The following WIPF1 variants were observed in gnomAD, a reference collection of about 807,000 sequenced individuals.
The protein encoded by WIPF1 is WAS/WASL interacting protein family member 1, also known as WAS/WASL-interacting protein family member 1.
A neutral mutation model predicts 35.4 loss-of-function variants in WIPF1; 13 were observed. That is an observed-to-expected ratio of 0.37 (90% CI 0.24 to 0.58). The LOEUF is 0.58. Ranked by LOEUF, WIPF1 falls within the 20% of genes least tolerant of loss-of-function variation. WIPF1 has a pLI of 0.74. For missense variants in WIPF1, 591 were observed against 667.0 expected (o/e 0.89, Z 1.25); for synonymous variants, 267 against 266.3 (o/e 1.00, Z -0.02).
chr2:174,676,315 C>CTTTTTTTTTTTTTTTTTTTTTT (rs75689219), intron 1 of WIPF1: 1 of 55,030 alleles, frequency 1.8e-5, no homozygotes, highest in Non-Finnish European at 3.1e-5. Flanking sequence ...TCCCTCCCTT[C>CTTTTTTTTTTTTTTTTTTTTTT]TTTTTTTTTT....
At chr2:174,641,121 A>G (rs777241262) in intron 1 of WIPF1, among the ~76,000 whole-genome samples, 1 of 152,240 alleles carries the variant, frequency 6.6e-6, no homozygotes, top group Admixed American at 6.5e-5. Context: ...CCATTCAACA[A>G]AAGTGCCAAG....
chr2:174,669,887 A>C (rs992334190), intron 1 of WIPF1, among the ~76,000 whole-genome samples: 6 of 152,206 alleles, frequency 3.9e-5, no homozygotes, highest in Non-Finnish European at 7.3e-5. Flanking sequence ...AAAACAAATA[A>C]AATTTAAAAA....
At chr2:174,595,109 A>AAAAAAAAAAAAAAAT (rs1553529785) in intron 1 of WIPF1, among the ~76,000 whole-genome samples, 2 of 57,738 alleles carry the variant, frequency 3.5e-5, no homozygotes, top group Non-Finnish European at 5.6e-5. Flanking sequence ...AAAAAAAAAA[A>AAAAAAAAAAAAAAAT]ATATATATAT....
chr2:174,670,596 C>T (rs983262233), intron 1 of WIPF1, among the ~76,000 whole-genome samples: 2 of 152,202 alleles, frequency 1.3e-5, no homozygotes, highest in Admixed American at 1.3e-4. Context: ...GTAATGTTAG[C>T]ACCAATTTTG....
chr2:174,632,315 C>A (rs567210002), intron 1 of WIPF1, among the ~76,000 whole-genome samples: 1 of 152,036 alleles, frequency 6.6e-6, no homozygotes, highest in Non-Finnish European at 1.5e-5. Context: ...TGGAACACAG[C>A]GCAGTGAAAG....
chr2:174,635,529 GTTTTTTTTT>G (rs1197924942), intron 1 of WIPF1, among the ~76,000 whole-genome samples: 3 of 115,622 alleles, frequency 2.6e-5, no homozygotes, highest in African/African-American at 3.4e-5. Context: ...CCTTCTGTTT[GTTTTTTTTT>G]TTTTTTTTTT....
At chr2:174,609,339 G>T (rs371698671) in intron 1 of WIPF1, among the ~76,000 whole-genome samples, 27 of 152,188 alleles carry the variant, frequency 1.8e-4, no homozygotes, top group East Asian at 1.5e-3. Context: ...GTATTTTCCG[G>T]TAATGCAAAT....
chr2:174,666,306 G>T (rs558001469), intron 1 of WIPF1, among the ~76,000 whole-genome samples: 1 of 152,312 alleles, frequency 6.6e-6, no homozygotes, highest in Admixed American at 6.5e-5. Flanking sequence ...AGAGTTGAAG[G>T]TATCCACCAC....
chr2:174,575,062 T>G, intron 4 of WIPF1, 142 bp downstream of exon 4: 1 of 965,442 alleles, frequency 1.0e-6, no homozygotes, highest in Non-Finnish European at 1.6e-6. Context: ...CTAAATTGAG[T>G]CTCTTATAAA....
chr2:174,643,970 T>C (rs1161096859), intron 1 of WIPF1, among the ~76,000 whole-genome samples: 1 of 152,248 alleles, frequency 6.6e-6, no homozygotes, highest in Non-Finnish European at 1.5e-5. Context: ...AGATGGTATA[T>C]AGCTAGATTA....
At chr2:174,667,896 AC>A (rs1369483739) in intron 1 of WIPF1, among the ~76,000 whole-genome samples, 1 of 151,850 alleles carries the variant, frequency 6.6e-6, no homozygotes, top group Non-Finnish European at 1.5e-5. Flanking sequence ...TGATTCTCTC[AC>A]CCCCAAAATG....
At chr2:174,563,896 G>A (rs918045887) in intron 7 of WIPF1, among the ~76,000 whole-genome samples, 1 of 152,222 alleles carries the variant, frequency 6.6e-6, no homozygotes, top group Non-Finnish European at 1.5e-5. Context: ...AAGGAAGGGA[G>A]TTAGGAGAAA....
At chr2:174,639,988 C>A (rs550787969) in intron 1 of WIPF1, among the ~76,000 whole-genome samples, 47 of 152,160 alleles carry the variant, frequency 3.1e-4, no homozygotes, top group African/African-American at 1.1e-3. Flanking sequence ...AAGAGAAAAT[C>A]ATATTGTCCC....
chr2:174,594,310 G>T (rs1685726845), intron 1 of WIPF1, among the ~76,000 whole-genome samples: 1 of 152,176 alleles, frequency 6.6e-6, no homozygotes, highest in African/African-American at 2.4e-5. Context: ...ACTAAGACTG[G>T]CTAGGAGCTT....
At chr2:174,617,597 A>G (rs529849373) in intron 1 of WIPF1, among the ~76,000 whole-genome samples, 14 of 152,304 alleles carry the variant, frequency 9.2e-5, no homozygotes, top group South Asian at 8.3e-4. Flanking sequence ...GTGAAATGTC[A>G]TTGTTCTGAT....
intron 1 of WIPF1, among the ~76,000 whole-genome samples, chr2:174,656,987 C>G (rs979140675): frequency 6.6e-6 from 1 of 152,210 alleles, no homozygotes; most frequent in African/African-American, 2.4e-5. Flanking sequence ...ACATACACCC[C>G]CTAGAGACAG....
chr2:174,575,368 G>A lies in WIPF1; in HGVS notation c.194C>T (p.Ala65Val), dbSNP rs765257193. ...GCCACCACCACCGCCTCCAGCACCA[G>A]CTCCTTTAGGTTCTGTAGAAGAAGA... The part of the protein sequence containing the change: ...SAPILDKPKG[A>V]GAGGGGGGFG... Residue 65 changes from alanine to valine, a missense_variant, in exon 4 of 8, where the codon GCT (alanine) becomes GTT (valine). Around this residue, in one of 3 missense-constraint regions of WIPF1, gnomAD observed 471 missense variants for 501.1 expected, o/e 0.94. Transcript: ENST00000679041. 2 of 1,610,422 alleles carry A rather than the reference G, an allele frequency of 1.2e-6. No homozygotes were observed. Among genetic ancestry groups the A allele is most frequent in the East Asian group, 4.5e-5 (2 of 44,858 alleles).
intron 1 of WIPF1, among the ~76,000 whole-genome samples, chr2:174,619,472 T>C (rs1686610258): frequency 6.6e-6 from 1 of 152,222 alleles, no homozygotes; most frequent in Non-Finnish European, 1.5e-5. Flanking sequence ...ACTTTGCTTT[T>C]ATAATTGTGC....
intron 1 of WIPF1, among the ~76,000 whole-genome samples, chr2:174,605,428 A>T (rs1686130582): frequency 6.6e-6 from 1 of 152,150 alleles, no homozygotes; most frequent in South Asian, 2.1e-4. Flanking sequence ...ACAGAGCAAG[A>T]CTCTGTGTCA....
Sources: gnomAD v4.1 joint callset for allele counts (sites outside exome capture counted in the v4.1 genomes callset) on GRCh38, gnomAD v4.1.1 for gene constraint, gnomAD v4.1.1 regional missense constraint, MANE v1.5 for transcripts, NCBI Gene and HGNC (gene_info 2026-07-23, HGNC 2026-07-21) for gene names.